CYP19A1: variants seen among roughly 807,000 people sequenced by gnomAD.
CYP19A1 encodes the protein cytochrome P450 family 19 subfamily A member 1, also known as aromatase.
A neutral mutation model predicts 44.4 loss-of-function variants in CYP19A1; 32 were observed. The ratio of observed to expected loss-of-function variants is 0.72; its 90% confidence interval spans 0.54 to 0.97. The LOEUF (loss-of-function observed/expected upper bound fraction) is 0.97. Among genes scored for constraint, CYP19A1 ranks in the 50% least tolerant of loss-of-function variants. CYP19A1 has a pLI of 0.00. For synonymous variants in CYP19A1, 212 were observed against 215.6 expected (o/e 0.98, Z 0.14); for missense variants, 598 against 637.8 (o/e 0.94, Z 0.67).
chr15:51,267,828 C>T (rs2034983028), intron 1 of CYP19A1, among the ~76,000 whole-genome samples: 1 of 152,248 alleles, frequency 6.6e-6, no homozygotes, highest in South Asian at 2.1e-4. Context: ...TGCCGGCTCC[C>T]CATGCCCCGG....
chr15:51,289,991 G>A (rs1162275117), intron 1 of CYP19A1, among the ~76,000 whole-genome samples: 1 of 152,160 alleles, frequency 6.6e-6, no homozygotes, highest in African/African-American at 2.4e-5. Flanking sequence ...TGAGTGAGTG[G>A]AAGTGATATA....
At chr15:51,265,005 G>A (rs1203586713) in intron 1 of CYP19A1, among the ~76,000 whole-genome samples, 1 of 152,172 alleles carries the variant, frequency 6.6e-6, no homozygotes, top group Non-Finnish European at 1.5e-5. Flanking sequence ...TAACACATAA[G>A]TAATCAGACA....
intron 1 of CYP19A1, among the ~76,000 whole-genome samples, chr15:51,330,244 C>T (rs2036679101): frequency 6.6e-6 from 1 of 152,008 alleles, no homozygotes; most frequent in African/African-American, 2.4e-5. Context: ...CGAGTCTGGG[C>T]TCACAAACTA....
intron 7 of CYP19A1, among the ~76,000 whole-genome samples, 197 bp from the exon 8 acceptor site, chr15:51,215,429 T>C (rs1357113297): frequency 6.6e-6 from 1 of 152,256 alleles, no homozygotes; most frequent in East Asian, 1.9e-4. Flanking sequence ...TCTATGTATA[T>C]GTAGTGTCTT....
At chr15:51,246,413 C>A (rs959752348) in intron 1 of CYP19A1, among the ~76,000 whole-genome samples, 1 of 152,178 alleles carries the variant, frequency 6.6e-6, no homozygotes, top group Non-Finnish European at 1.5e-5. Flanking sequence ...GCTCAGCATC[C>A]CACGTTGGCC....
intron 1 of CYP19A1, among the ~76,000 whole-genome samples, chr15:51,259,254 T>C (rs960777459): frequency 6.6e-6 from 1 of 152,200 alleles, no homozygotes; most frequent in African/African-American, 2.4e-5. Flanking sequence ...TTTTTTTTCC[T>C]TGAAAAATAA....
At chr15:51,248,398 T>C (rs1181475879) in intron 1 of CYP19A1, among the ~76,000 whole-genome samples, 2 of 152,268 alleles carry the variant, frequency 1.3e-5, no homozygotes, top group East Asian at 3.8e-4. Context: ...AGCCATGCTT[T>C]GGTGCCAGGC....
At chr15:51,289,688 C>A (rs901550962) in intron 1 of CYP19A1, among the ~76,000 whole-genome samples, 1 of 152,236 alleles carries the variant, frequency 6.6e-6, no homozygotes, top group African/African-American at 2.4e-5. Context: ...TTTGAGGCAA[C>A]CTTGTTAATC....
At chr15:51,236,283 C>T (rs901369847) in intron 3 of CYP19A1, among the ~76,000 whole-genome samples, 5 of 152,142 alleles carry the variant, frequency 3.3e-5, no homozygotes, top group East Asian at 1.9e-4. Context: ...CAGCCAAGGT[C>T]GGCTTACCAT....
chr15:51,218,624 A>T lies in CYP19A1; in HGVS notation c.660T>A (p.Tyr220Ter). 1 of 1,613,754 alleles carries T rather than the reference A, an allele frequency of 6.2e-7. No homozygotes were observed. Among genetic ancestry groups the T allele is most frequent in the Admixed American group, 1.7e-5 (1 of 59,980 alleles). The change falls in exon 6 of 10, where the codon TAT (tyrosine) becomes TAA (stop). Residue 220 changes from tyrosine to a stop codon, truncating the protein, a stop_gained. Transcript: ENST00000396402. LOFTEE classifies it high-confidence loss of function. The stretch of plus-strand genomic sequence containing the variant: ...TGAGGAGAGCTTGCCATGCATCAAA[A>T]TAACCTTGGATTTTAACCACGATAG... ...ESAIVVKIQG[Y>*]FDAWQALLIK... is the part of the protein sequence containing the mutation.
chr15:51,251,080 CG>C (rs1310845131), intron 1 of CYP19A1, among the ~76,000 whole-genome samples: 1 of 152,150 alleles, frequency 6.6e-6, no homozygotes, highest in Non-Finnish European at 1.5e-5. Context: ...AGGCCTGCCA[CG>C]CCCGGGCTGA....
intron 8 of CYP19A1, among the ~76,000 whole-genome samples, chr15:51,214,784 G>A (rs1352546665): frequency 2.0e-5 from 3 of 152,198 alleles, no homozygotes; most frequent in Non-Finnish European, 4.4e-5. Flanking sequence ...AGATGAGGCT[G>A]GAGAGGAGAG....
chr15:51,334,308 T>A (rs12440754), intron 1 of CYP19A1, among the ~76,000 whole-genome samples: 2 of 152,218 alleles, frequency 1.3e-5, no homozygotes, highest in Non-Finnish European at 2.9e-5. Flanking sequence ...CTTGGGCAGA[T>A]CACTTAAACC....
intron 5 of CYP19A1, among the ~76,000 whole-genome samples, chr15:51,220,467 A>G (rs8034835): frequency 0.43 from 64,650 of 152,116 alleles, 14,845 homozygotes; most frequent in Non-Finnish European, 0.53. Context: ...GCATAAAATA[A>G]GCAATCAATA....
intron 3 of CYP19A1, among the ~76,000 whole-genome samples, chr15:51,232,255 A>G (rs148670005): frequency 3.3e-5 from 5 of 152,222 alleles, no homozygotes; most frequent in African/African-American, 9.6e-5. Flanking sequence ...TGTCAAGGTC[A>G]CCTGTGACCT....
Position 51,222,441 on chromosome 15 carries a change from G to A in CYP19A1, c.536C>T (p.Thr179Ile). Reference sequence around the variant, plus strand: ...CACGTCCACATAGCCCGATTCATTGGTCACCTCCTCCAACCTGTCCAGATG... The same window carrying A: ...CACGTCCACATAGCCCGATTCATTGATCACCTCCTCCAACCTGTCCAGATG... ...KTHLDRLEEV[T>I]NESGYVDVLT... The change falls in exon 5 of 10, where the codon ACC (threonine) becomes ATC (isoleucine). Residue 179 changes from threonine (T) to isoleucine (I), a missense_variant. By Grantham distance (89) the Thr-to-Ile change is moderately conservative (BLOSUM62 -1). Transcript: ENST00000396402. 1 of 1,614,162 alleles carries A rather than the reference G, an allele frequency of 6.2e-7. No homozygotes were observed. The highest frequency in any genetic ancestry group is 8.5e-7 in the Non-Finnish European group (1 of 1,180,018).
At chr15:51,283,359 C>A (rs1023881952) in intron 1 of CYP19A1, among the ~76,000 whole-genome samples, 1 of 152,172 alleles carries the variant, frequency 6.6e-6, no homozygotes, top group African/African-American at 2.4e-5. Flanking sequence ...ACATTAAAAC[C>A]TGGAGCAATT....
At chr15:51,232,451 C>A (rs1371582561) in intron 3 of CYP19A1, among the ~76,000 whole-genome samples, 1 of 152,140 alleles carries the variant, frequency 6.6e-6, no homozygotes. Context: ...AGTTTCTGAC[C>A]TATTTACACT....
intron 1 of CYP19A1, among the ~76,000 whole-genome samples, chr15:51,251,951 C>T (rs1256062824): frequency 1.3e-5 from 2 of 152,190 alleles, no homozygotes; most frequent in Non-Finnish European, 2.9e-5. Context: ...CAGGGCCCCT[C>T]TTATCTCTGT....
Sources: gnomAD v4.1 joint callset for allele counts (sites outside exome capture counted in the v4.1 genomes callset) on GRCh38, gnomAD v4.1.1 for gene constraint, MANE v1.5 for transcripts, NCBI Gene and HGNC (gene_info 2026-07-23, HGNC 2026-07-21) for gene names.